PTBP2: variants seen among roughly 807,000 people sequenced by gnomAD.
PTBP2 encodes polypyrimidine tract binding protein 2, also known as polypyrimidine tract-binding protein 2.
A neutral mutation model predicts 61.4 loss-of-function variants in PTBP2; 13 were observed. That is an observed-to-expected ratio of 0.21 (90% CI 0.14 to 0.34). The LOEUF is 0.34. Ranked by LOEUF, PTBP2 falls within the 10% of genes least tolerant of loss-of-function variation. The pLI is 1.00. For synonymous variants in PTBP2, 215 were observed against 218.5 expected, an observed-to-expected ratio of 0.98 and a Z score of 0.14; for missense variants, 405 against 642.6, an observed-to-expected ratio of 0.63 and a Z score of 4.00.
At chr1:96,819,786 T>G (rs1309879318), downstream of PTBP2, 1 of 151,756 alleles carries the variant, frequency 6.6e-6, no homozygotes, top group Non-Finnish European at 1.5e-5. Flanking sequence ...AAATCACTAG[T>G]AGTGATTTAC....
At chr1:96,759,028 T>A (rs1293633085) in intron 3 of PTBP2, among the ~76,000 whole-genome samples, 2 of 152,084 alleles carry the variant, frequency 1.3e-5, no homozygotes, top group Admixed American at 6.5e-5. Flanking sequence ...AATGAAATTT[T>A]AAAAAATCTG....
exon 14 of PTBP2, chr1:96,821,414 TAAG>T (rs931199930): frequency 3.3e-5 from 5 of 151,958 alleles, no homozygotes; most frequent in South Asian, 2.1e-4. Flanking sequence ...TTTATACAGT[TAAG>T]AAGAGGTTGG....
At chr1:96,807,294 T>C (rs1571023864) in intron 11 of PTBP2, among the ~76,000 whole-genome samples, 1 of 152,224 alleles carries the variant, frequency 6.6e-6, no homozygotes, top group Non-Finnish European at 1.5e-5. Flanking sequence ...TAACTGTTCA[T>C]ACAGTCCATA....
rs1428348468 is a variant in PTBP2 at position 96,751,931 on chromosome 1, A to G, written c.115+431A>G. On this transcript the variant is annotated intron_variant, in intron 3 of 13. Coordinates refer to ENST00000674951, the MANE Select transcript of PTBP2 (RefSeq NM_021190.4). ...AGTTGTTTAAAACCATTGCAACCAT[A>G]GTTGCTATGGTTTTAACTAATTTTT... Among the ~76,000 whole-genome samples, 3 of 152,030 alleles carry G rather than the reference A, an allele frequency of 2.0e-5. 1 individual carries two copies. The highest frequency in any genetic ancestry group is 4.4e-5 in the Non-Finnish European group (3 of 67,960).
chr1:96,817,431 G>C (rs1662527610), downstream of PTBP2: 1 of 152,004 alleles, frequency 6.6e-6, no homozygotes, highest in Non-Finnish European at 1.5e-5. Context: ...TAGTTTTATA[G>C]TTATTCTTTG....
At chr1:96,756,174 G>A (rs908403667) in intron 3 of PTBP2, among the ~76,000 whole-genome samples, 20 of 152,284 alleles carry the variant, frequency 1.3e-4, no homozygotes, top group African/African-American at 2.6e-4. Context: ...CAAGGCAGGC[G>A]GATCACCTGA....
At chr1:96,777,513 A>G (rs992662925) in intron 5 of PTBP2, 72 bp from the exon 6 acceptor site, 2 of 1,320,794 alleles carry the variant, frequency 1.5e-6, no homozygotes, top group Non-Finnish European at 2.1e-6. Flanking sequence ...AAAGTGAACT[A>G]GTAGTGTAAC....
chr1:96,739,627 T>G (rs936673775), intron 2 of PTBP2, among the ~76,000 whole-genome samples: 2 of 141,602 alleles, frequency 1.4e-5, no homozygotes, highest in African/African-American at 2.7e-5. Context: ...TGTTTTTTTT[T>G]TTTTTTTTTT....
At chr1:96,731,192 T>C (rs1185324407) in intron 2 of PTBP2, among the ~76,000 whole-genome samples, 1 of 152,184 alleles carries the variant, frequency 6.6e-6, no homozygotes, top group African/African-American at 2.4e-5. Context: ...CATGTGGACA[T>C]ATTTAGAATA....
intron 3 of PTBP2, among the ~76,000 whole-genome samples, 154 bp from the exon 4 acceptor site, chr1:96,769,548 GA>G (rs146027723): frequency 0.064 from 9,722 of 151,968 alleles, 970 homozygotes; most frequent in African/African-American, 0.21. Context: ...TTATTCCTTT[GA>G]AAGCCTGGCA....
At chr1:96,733,008 GCTTT>G (rs1291743362) in intron 2 of PTBP2, among the ~76,000 whole-genome samples, 30 of 145,098 alleles carry the variant, frequency 2.1e-4, no homozygotes, top group South Asian at 4.7e-4. Flanking sequence ...TCATTACTCT[GCTTT>G]CTTTCTTTCT....
chr1:96,764,070 G>C (rs894725355), intron 3 of PTBP2, among the ~76,000 whole-genome samples: 6 of 152,170 alleles, frequency 3.9e-5, no homozygotes, highest in Non-Finnish European at 8.8e-5. Context: ...AATATTTCTT[G>C]TAATAGATTT....
At chr1:96,786,876 G>A (rs564824506) in intron 8 of PTBP2, among the ~76,000 whole-genome samples, 8 of 152,156 alleles carry the variant, frequency 5.3e-5, no homozygotes, top group Non-Finnish European at 1.0e-4. Context: ...TGAGGTGTGT[G>A]TATTTGCCCA....
At chr1:96,784,704 C>G (rs1482145753) in intron 7 of PTBP2, among the ~76,000 whole-genome samples, 2 of 152,002 alleles carry the variant, frequency 1.3e-5, no homozygotes, top group Middle Eastern at 3.4e-3. Context: ...TAAAATTAAC[C>G]TTATTGAGCA....
At chr1:96,795,776 A>C (rs1439184945) in intron 8 of PTBP2, among the ~76,000 whole-genome samples, 2 of 152,196 alleles carry the variant, frequency 1.3e-5, no homozygotes, top group African/African-American at 4.8e-5. Flanking sequence ...ATAGGATGGT[A>C]GATCAGAAGT....
chr1:96,723,109 C>T (rs1259244137), intron 1 of PTBP2, among the ~76,000 whole-genome samples: 1 of 152,046 alleles, frequency 6.6e-6, no homozygotes, highest in African/African-American at 2.4e-5. Flanking sequence ...CTAGATGTTA[C>T]CTAAAGATTA....
intron 8 of PTBP2, among the ~76,000 whole-genome samples, chr1:96,802,925 A>G (rs1661164347): frequency 6.6e-6 from 1 of 152,172 alleles, no homozygotes; most frequent in African/African-American, 2.4e-5. Flanking sequence ...GAAAATACTG[A>G]CGAATAGTAT....
intron 2 of PTBP2, among the ~76,000 whole-genome samples, chr1:96,736,885 G>A (rs534427337): frequency 2.0e-4 from 30 of 152,010 alleles, no homozygotes; most frequent in African/African-American, 7.0e-4. Flanking sequence ...TCGCTGTATC[G>A]CTTAGGCTGG....
At chr1:96,742,286 G>T (rs1229394263) in intron 2 of PTBP2, among the ~76,000 whole-genome samples, 3 of 152,078 alleles carry the variant, frequency 2.0e-5, no homozygotes, top group Non-Finnish European at 2.9e-5. Flanking sequence ...TATATTAAAA[G>T]GATTTTAAAC....
Sources: gnomAD v4.1 joint callset for allele counts (sites outside exome capture counted in the v4.1 genomes callset) on GRCh38, gnomAD v4.1.1 for gene constraint, MANE v1.5 for transcripts, NCBI Gene and HGNC (gene_info 2026-07-23, HGNC 2026-07-21) for gene names.